DLGAP2: variants seen among roughly 807,000 people sequenced by gnomAD.
The protein encoded by DLGAP2 is DLG associated protein 2, also known as disks large-associated protein 2.
DLGAP2 carries 26 observed loss-of-function variants against 100.3 expected under a neutral mutation model. The ratio of observed to expected loss-of-function variants is 0.26; its 90% CI spans 0.19 to 0.36. DLGAP2 has a LOEUF of 0.36. DLGAP2 is among the 10% of genes least tolerant of loss of function. The pLI, the probability that DLGAP2 is intolerant of heterozygous loss-of-function variation, is 1.00. For synonymous variants in DLGAP2, 886 were observed against 630.1 expected (o/e 1.41, Z -6.08); for missense variants, 1,858 against 1,453.2 (o/e 1.28, Z -4.53).
intron 3 of DLGAP2, among the ~76,000 whole-genome samples, chr8:1,409,900 G>A (rs567550180): frequency 1.4e-4 from 21 of 152,302 alleles, no homozygotes; most frequent in African/African-American, 4.6e-4. Context: ...ACCTGACCCC[G>A]TGGGTCTCCA....
chr8:1,597,022 A>G lies in DLGAP2; in HGVS notation c.1443-29718A>G, dbSNP rs560044098. 4.6e-5 allele frequency among the ~76,000 whole-genome samples: 7 copies of G among 152,250 alleles called. No individual in the cohort carries two copies. In the South Asian group the frequency reaches 1.5e-3, roughly 32 times the overall value. ...GGTCTTATGTTTAAGTCTTTTATCC[A>G]TCTTGAGTTAATTTTAGTATAAGGT... On this transcript the variant is annotated intron_variant, in intron 6 of 14. Transcript: ENST00000637795.
chr8:1,352,022 C>G (rs186018412), intron 3 of DLGAP2, among the ~76,000 whole-genome samples: 79 of 35,366 alleles, frequency 2.2e-3, no homozygotes, highest in East Asian at 5.0e-3. Flanking sequence ...CGGATCCTGA[C>G]TGTGTGTGGA....
intron 2 of DLGAP2, among the ~76,000 whole-genome samples, chr8:1,194,375 C>T (rs776750740): frequency 5.5e-4 from 83 of 152,190 alleles, no homozygotes; most frequent in African/African-American, 1.8e-3. Flanking sequence ...GGTTGGCGGC[C>T]GGCCCACATA....
At chr8:1,320,354 G>A (rs527758714) in intron 3 of DLGAP2, among the ~76,000 whole-genome samples, 21 of 152,200 alleles carry the variant, frequency 1.4e-4, no homozygotes, top group African/African-American at 2.9e-4. Context: ...CGAGGGAACC[G>A]TAGCGTCGCA....
intron 14 of DLGAP2, among the ~76,000 whole-genome samples, chr8:1,699,400 T>C (rs1799505553): frequency 6.7e-6 from 1 of 149,188 alleles, no homozygotes; most frequent in Non-Finnish European, 1.5e-5. Flanking sequence ...GGTCAGGAGA[T>C]CAAGATCATA....
rs140559948 is a variant in DLGAP2, at chr8:1,702,412, T to C, written c.*1006T>C. 5.2e-5 allele frequency: 8 copies of C among 152,604 alleles called. No homozygotes were observed. In the East Asian group the frequency reaches 1.5e-3, roughly 29 times the overall value. 9.5% of individuals were successfully genotyped at this position (152,604 alleles called of 1,614,324 possible). On this transcript the variant is annotated 3_prime_UTR_variant, in exon 15 of 15. Transcript: ENST00000637795. ...AAAGTTTGCTTGTTTAAAATGACAG[T>C]TGTGATGTAAAAAGTTTAAGAAATA...
At chr8:808,290 A>T (rs1385077534) in intron 1 of DLGAP2, among the ~76,000 whole-genome samples, 1 of 152,178 alleles carries the variant, frequency 6.6e-6, no homozygotes, top group Non-Finnish European at 1.5e-5. Flanking sequence ...CTCCATCTCC[A>T]GGGGGCCTGT....
At chr8:837,004 T>A (rs1796890899) in intron 1 of DLGAP2, among the ~76,000 whole-genome samples, 1 of 152,324 alleles carries the variant, frequency 6.6e-6, no homozygotes, top group East Asian at 1.9e-4. Flanking sequence ...CTTGGCTAGA[T>A]AATGTCATGG....
chr8:1,173,548 TC>T (rs1797179005), intron 2 of DLGAP2, among the ~76,000 whole-genome samples: 1 of 152,178 alleles, frequency 6.6e-6, no homozygotes, highest in Non-Finnish European at 1.5e-5. Context: ...AGTTGGAGCT[TC>T]CCGGTTGCTT....
At chr8:1,506,449 G>C (rs758129288) in intron 4 of DLGAP2, among the ~76,000 whole-genome samples, 4 of 152,142 alleles carry the variant, frequency 2.6e-5, no homozygotes, top group Non-Finnish European at 4.4e-5. Flanking sequence ...CCTTCTGGTC[G>C]GTTTGTGGTC....
At chr8:1,006,209 C>T (rs1446648322) in intron 2 of DLGAP2, among the ~76,000 whole-genome samples, 2 of 152,098 alleles carry the variant, frequency 1.3e-5, no homozygotes, top group East Asian at 1.9e-4. Flanking sequence ...GAAGAAATCT[C>T]ATGCCCCACC....
intron 6 of DLGAP2, among the ~76,000 whole-genome samples, chr8:1,625,355 GTTTAAGCTAAGCCAGACC>G (rs935681867): frequency 1.3e-5 from 2 of 152,232 alleles, no homozygotes; most frequent in African/African-American, 4.8e-5. Flanking sequence ...TTAGCCAGAA[GTTTAAGCTAAGCCAGACC>G]TTTCATCGGC....
chr8:1,602,072 C>A (rs547198118), intron 6 of DLGAP2, among the ~76,000 whole-genome samples: 1 of 151,910 alleles, frequency 6.6e-6, no homozygotes, highest in Non-Finnish European at 1.5e-5. Flanking sequence ...TTGGGCCATG[C>A]AAGCTGCATT....
rs577459029 is a variant in DLGAP2 at position 1,541,002 on chromosome 8, C to T, written c.173-7624C>T. 8.5e-5 allele frequency among the ~76,000 whole-genome samples: 13 copies of T among 152,294 alleles called. No individual in the cohort carries two copies. In the South Asian group the frequency reaches 2.7e-3, roughly 32 times the overall value. ...GCCCAGGGATCCACAGTTTGGTAAC[C>T]AGCACAGGATTTTCTACAGAGCCCA... On this transcript the variant is annotated intron_variant, in intron 4 of 14. Transcript: ENST00000637795.
At chr8:743,784 C>CT (rs1359254749) in intron 1 of DLGAP2, among the ~76,000 whole-genome samples, 2 of 152,208 alleles carry the variant, frequency 1.3e-5, no homozygotes, top group Non-Finnish European at 2.9e-5. Flanking sequence ...AGACTAGACT[C>CT]TGACTCCTGG....
chr8:1,705,624 A>C lies in DLGAP2; in HGVS notation c.*4218A>C, dbSNP rs2130901859. On this transcript the variant is annotated 3_prime_UTR_variant, in exon 15 of 15. Transcript: ENST00000637795. ...AAATTGCCCCACCTGTGAGCACAGA[A>C]ACACGCTTCTCCAACACGGGCCGAA... The C allele has an allele frequency of 6.6e-6, 1 of 152,476 alleles. No individual in the cohort carries two copies. The highest frequency in any genetic ancestry group is 1.5e-5 in the Non-Finnish European group (1 of 68,130). The allele number at this position is 152,476 out of a possible 1,614,324, so 9.4% of individuals were successfully genotyped here.
chr8:1,439,114 A>G (rs960402823), intron 3 of DLGAP2, among the ~76,000 whole-genome samples: 2 of 152,166 alleles, frequency 1.3e-5, no homozygotes, highest in Non-Finnish European at 2.9e-5. Flanking sequence ...TGGTGACTTT[A>G]TCCTCCCTAA....
At chr8:1,556,111 G>C (rs1200908039) in intron 5 of DLGAP2, among the ~76,000 whole-genome samples, 1 of 152,202 alleles carries the variant, frequency 6.6e-6, no homozygotes, top group Non-Finnish European at 1.5e-5. Context: ...CCTGTGACTG[G>C]GTCCTTGGAT....
chr8:1,441,197 C>G (rs989497776), intron 3 of DLGAP2, among the ~76,000 whole-genome samples: 12 of 152,124 alleles, frequency 7.9e-5, no homozygotes, highest in African/African-American at 2.7e-4. Context: ...CAGTGTTAAT[C>G]TTTTCATTAA....
Sources: allele counts gnomAD v4.1 joint callset (sites outside exome capture counted in the v4.1 genomes callset), GRCh38; gene constraint gnomAD v4.1.1; transcripts MANE v1.5; gene names NCBI Gene and HGNC (gene_info 2026-07-23, HGNC 2026-07-21).